NRXN1: variants seen among roughly 807,000 people sequenced by gnomAD.
The protein encoded by NRXN1 is neurexin 1.
In NRXN1, 39 loss-of-function variants were observed where a neutral mutation model predicts 150.9. The ratio of observed to expected loss-of-function variants is 0.26; its 90% confidence interval spans 0.20 to 0.34. The LOEUF (loss-of-function observed/expected upper bound fraction) is 0.34. NRXN1 is among the 10% of genes least tolerant of loss of function. The pLI, the probability that NRXN1 is intolerant of heterozygous loss-of-function variation, is 1.00. For missense variants in NRXN1, 1,815 were observed against 1,949.9 expected (o/e 0.93, Z 1.30); for synonymous variants, 924 against 757.0 (o/e 1.22, Z -3.62).
intron 5 of NRXN1, among the ~76,000 whole-genome samples, chr2:50,833,542 T>G (rs1671695452): frequency 6.6e-6 from 1 of 152,186 alleles, no homozygotes; most frequent in Non-Finnish European, 1.5e-5. Flanking sequence ...AACAAGCTAG[T>G]CTCAAACAGT....
chr2:50,833,053 A>T (rs1222584561), intron 5 of NRXN1, among the ~76,000 whole-genome samples: 1 of 152,224 alleles, frequency 6.6e-6, no homozygotes, highest in Non-Finnish European at 1.5e-5. Flanking sequence ...GGGGGCAAAT[A>T]AACACAGGAA....
rs60612860 is a variant in NRXN1 at position 50,515,600 on chromosome 2, G to GGTGTGTGTGTGTGTGT, written c.2375-8999_2375-8984dup. Among the ~76,000 whole-genome samples, 319 of 143,502 alleles carry GGTGTGTGTGTGTGTGT rather than the reference G, an allele frequency of 2.2e-3. 1 individual carries two copies. Among genetic ancestry groups the GGTGTGTGTGTGTGTGT allele is most frequent in the African/African-American group, 8.0e-3 (310 of 38,718 alleles). 94.1% of individuals were successfully genotyped at this position (143,502 alleles called of 152,430 possible). A position where few individuals can be genotyped will look rare whatever the true frequency, so the allele number is the denominator to read the frequency against. On this transcript the variant is annotated intron_variant, in intron 12 of 22. Transcript: ENST00000401669. ...ATAGAAACATTCATTAAATGCTTGG[G>GGTGTGTGTGTGTGTGT]GTGTGTGTGTGTGTGTGTGTGTGTG...
chr2:51,009,233 T>G (rs544949546), intron 2 of NRXN1: 48 of 152,028 alleles, frequency 3.2e-4, no homozygotes, highest in Admixed American at 7.2e-4. Context: ...CTATAGATAT[T>G]CAGTTGTGAA....
At chr2:50,876,346 C>CA (rs140808408) in intron 5 of NRXN1, among the ~76,000 whole-genome samples, 12,308 of 151,582 alleles carry the variant, frequency 0.081, 533 homozygotes, top group Middle Eastern at 0.14. Flanking sequence ...TAGGAAGTCA[C>CA]AAAAAATACT....
chr2:50,377,025 G>A (rs774525677), intron 17 of NRXN1, among the ~76,000 whole-genome samples: 14 of 149,198 alleles, frequency 9.4e-5, no homozygotes, highest in African/African-American at 3.5e-4. Flanking sequence ...ATCTTTTCAC[G>A]TCATTATTGA....
intron 5 of NRXN1, among the ~76,000 whole-genome samples, chr2:50,668,269 C>G (rs1182588931): frequency 3.3e-5 from 5 of 151,770 alleles, no homozygotes; most frequent in Non-Finnish European, 7.4e-5. Context: ...GTGATTATCT[C>G]AAGGTCTCCT....
chr2:50,239,510 A>AG, intron 17 of NRXN1, among the ~76,000 whole-genome samples: 1 of 147,856 alleles, frequency 6.8e-6, no homozygotes, highest in Non-Finnish European at 1.5e-5. Flanking sequence ...ATTAAAAAAA[A>AG]TCTTATCTAC....
rs995253733 is a variant in NRXN1, at chr2:50,081,825, C to G, written c.3718+9498G>C. Reference sequence around the variant, plus strand: ...AAAAGCTCCTGAAGATATAAGAACTCAGAGTGTTTGAGAAAGTATTACGAG... The same window carrying G: ...AAAAGCTCCTGAAGATATAAGAACTGAGAGTGTTTGAGAAAGTATTACGAG... On this transcript the variant is annotated intron_variant, in intron 19 of 22. Coordinates refer to ENST00000401669, the MANE Select transcript of NRXN1 (RefSeq NM_001330078.2). Among the ~76,000 whole-genome samples the G allele has an allele frequency of 1.8e-4, 28 of 152,206 alleles. 1 individual carries two copies. The highest frequency in any genetic ancestry group is 6.3e-4 in the African/African-American group (26 of 41,538).
chr2:50,355,933 T>A (rs988366231), intron 17 of NRXN1, among the ~76,000 whole-genome samples: 3 of 152,156 alleles, frequency 2.0e-5, no homozygotes, highest in Admixed American at 1.3e-4. Context: ...ATTTTTATTA[T>A]CTAAAATATA....
chr2:50,359,746 A>G (rs1367734577), intron 17 of NRXN1, among the ~76,000 whole-genome samples: 1 of 152,096 alleles, frequency 6.6e-6, no homozygotes, highest in African/African-American at 2.4e-5. Flanking sequence ...AGATTCAGGA[A>G]ATACAGAGAA....
intron 5 of NRXN1, among the ~76,000 whole-genome samples, chr2:50,709,079 G>A (rs544330720): frequency 3.9e-5 from 6 of 152,224 alleles, no homozygotes; most frequent in South Asian, 4.1e-4. Flanking sequence ...GAGGTGACAA[G>A]GTCAGTATGG....
chr2:50,237,155 G>A (rs189330596), intron 17 of NRXN1, among the ~76,000 whole-genome samples, 185 bp from the exon 18 acceptor site: 58 of 152,162 alleles, frequency 3.8e-4, no homozygotes, highest in Non-Finnish European at 6.0e-4. Context: ...AAATGGAGAG[G>A]TAGCTCAGTT....
At chr2:50,776,941 G>A (rs1703721138) in intron 5 of NRXN1, among the ~76,000 whole-genome samples, 1 of 152,098 alleles carries the variant, frequency 6.6e-6, no homozygotes, top group African/African-American at 2.4e-5. Flanking sequence ...AGTTCTCAAA[G>A]CACGTAAGTA....
At chr2:50,520,600 A>G (rs2092759328) in intron 12 of NRXN1, among the ~76,000 whole-genome samples, 1 of 151,992 alleles carries the variant, frequency 6.6e-6, no homozygotes, top group Non-Finnish European at 1.5e-5. Context: ...CTCAAAAAAA[A>G]TAGGAGATGC....
At chr2:50,750,996 T>C (rs1559209569) in intron 5 of NRXN1, among the ~76,000 whole-genome samples, 2 of 151,740 alleles carry the variant, frequency 1.3e-5, no homozygotes, top group Non-Finnish European at 2.9e-5. Context: ...TTTGAAAAAA[T>C]AAGACAAAAG....
At chr2:50,685,704 T>G (rs1691126546) in intron 5 of NRXN1, among the ~76,000 whole-genome samples, 1 of 152,156 alleles carries the variant, frequency 6.6e-6, no homozygotes. Flanking sequence ...TGTCTAATTT[T>G]GTTTCATCCT....
intron 5 of NRXN1, among the ~76,000 whole-genome samples, chr2:50,768,071 T>C (rs1332356462): frequency 6.6e-6 from 1 of 152,062 alleles, no homozygotes; most frequent in African/African-American, 2.4e-5. Context: ...ATAAATAGGA[T>C]TTCTACTCAG....
intron 18 of NRXN1, among the ~76,000 whole-genome samples, chr2:50,231,340 G>C (rs1195572842): frequency 1.3e-5 from 2 of 152,024 alleles, no homozygotes; most frequent in African/African-American, 2.4e-5. Context: ...TAATAGACCA[G>C]CAAGATAAAT....
intron 5 of NRXN1, among the ~76,000 whole-genome samples, chr2:50,757,379 A>C (rs1701263880): frequency 6.6e-6 from 1 of 151,818 alleles, no homozygotes. Flanking sequence ...TGATTCTGTA[A>C]CCAGAGAAGC....
Sources: gnomAD v4.1 joint callset for allele counts (sites outside exome capture counted in the v4.1 genomes callset) on GRCh38, gnomAD v4.1.1 for gene constraint, MANE v1.5 for transcripts, NCBI Gene and HGNC (gene_info 2026-07-23, HGNC 2026-07-21) for gene names.